MYO1D: variants seen among roughly 807,000 people sequenced by gnomAD.
The protein encoded by MYO1D is unconventional myosin-Id.
In MYO1D, 83 loss-of-function variants were observed where a neutral mutation model predicts 122.0. The observed-to-expected ratio is 0.68, with a 90% CI of 0.57 to 0.82. The LOEUF (loss-of-function observed/expected upper bound fraction) is 0.82, where lower values mean the gene tolerates loss of function less well. Among genes scored for constraint, MYO1D ranks in the 40% least tolerant of loss-of-function variants. The pLI, the probability that MYO1D is intolerant of heterozygous loss-of-function variation, is 0.00. For synonymous variants in MYO1D, 464 were observed against 446.9 expected (o/e 1.04, Z -0.48); for missense variants, 1,157 against 1,269.5 (o/e 0.91, Z 1.35).
intron 21 of MYO1D, among the ~76,000 whole-genome samples, chr17:32,495,190 C>T (rs1175734309): frequency 6.6e-6 from 1 of 152,198 alleles, no homozygotes; most frequent in Non-Finnish European, 1.5e-5. Flanking sequence ...ACAGACGCCA[C>T]CAGGTCTCTG....
Position 32,494,789 on chromosome 17 carries a change from C to A in MYO1D, c.2991G>T (p.Ser997=). The change falls in exon 22 of 22, where the codon TCG becomes TCT. Residue 997 remains serine, a synonymous_variant. Transcript: ENST00000318217. The part of the protein sequence containing the change: ...QPQPDFTKNR[S]GFILSVPGN ...TCCCGGGCACGCTGAGGATGAAGCC[C>A]GAGCGATTCTTGGTGAAGTCGGGCT... The A allele has an allele frequency of 6.2e-7, 1 of 1,611,218 alleles. No homozygotes were observed. The highest frequency in any genetic ancestry group is 1.1e-5 in the South Asian group (1 of 90,652).
chr17:32,711,430 G>A (rs1190396002), intron 16 of MYO1D, among the ~76,000 whole-genome samples: 1 of 152,110 alleles, frequency 6.6e-6, no homozygotes, highest in Non-Finnish European at 1.5e-5. Flanking sequence ...GGCAGATCAC[G>A]AGGTCACGAG....
chr17:32,548,942 G>A (rs2086987867), intron 21 of MYO1D, among the ~76,000 whole-genome samples: 1 of 151,956 alleles, frequency 6.6e-6, no homozygotes, highest in Non-Finnish European at 1.5e-5. Context: ...TTGAATTCCT[G>A]ACCTCAAATG....
chr17:32,533,796 C>T (rs1263918702), intron 21 of MYO1D, among the ~76,000 whole-genome samples: 2 of 152,064 alleles, frequency 1.3e-5, no homozygotes, highest in Non-Finnish European at 2.9e-5. Context: ...TTCTTCTTTG[C>T]CCGTACCCTA....
intron 13 of MYO1D, among the ~76,000 whole-genome samples, chr17:32,740,119 T>A (rs1309200886): frequency 6.6e-6 from 1 of 152,260 alleles, no homozygotes; most frequent in Non-Finnish European, 1.5e-5. Context: ...CAGAAATAAT[T>A]TAAGGCAACG....
intron 1 of MYO1D, among the ~76,000 whole-genome samples, chr17:32,853,604 T>C (rs977674179): frequency 1.3e-5 from 2 of 152,240 alleles, no homozygotes; most frequent in East Asian, 1.9e-4. Context: ...TCTTTCCCTA[T>C]AGACCTGGAT....
chr17:32,618,620 G>GTTAA (rs1259685603), intron 20 of MYO1D, among the ~76,000 whole-genome samples: 1 of 147,734 alleles, frequency 6.8e-6, no homozygotes, highest in African/African-American at 2.6e-5. Context: ...AGCTGCCTCT[G>GTTAA]TTAATTAATT....
intron 1 of MYO1D, among the ~76,000 whole-genome samples, chr17:32,825,312 C>T (rs2090711374): frequency 3.3e-5 from 5 of 151,436 alleles, no homozygotes; most frequent in Admixed American, 2.6e-4. Flanking sequence ...ATTTTTTTGA[C>T]ACAGTGTTTT....
chr17:32,522,371 C>A (rs1910175474), intron 21 of MYO1D, among the ~76,000 whole-genome samples: 1 of 152,148 alleles, frequency 6.6e-6, no homozygotes, highest in South Asian at 2.1e-4. Context: ...AAAAATGGGT[C>A]CCCCATTGGT....
Position 32,746,588 on chromosome 17 carries a change from G to A in MYO1D, c.1539-1303C>T, listed in dbSNP as rs150214935. On this transcript the variant is annotated intron_variant, in intron 12 of 21. Coordinates refer to ENST00000318217, the MANE Select transcript of MYO1D (RefSeq NM_015194.3). The stretch of plus-strand genomic sequence containing the variant: ...TGTGTATATATGCGTGTTTTCATGT[G>A]TAAAAATAAGAACACATACAACCAT... Among the ~76,000 whole-genome samples the A allele has an allele frequency of 3.4e-3, 514 of 152,200 alleles. 9 individuals are homozygous for A. Among genetic ancestry groups the A allele is most frequent in the Non-Finnish European group, 5.6e-4 (38 of 68,012 alleles).
intron 1 of MYO1D, among the ~76,000 whole-genome samples, chr17:32,833,449 G>T (rs2090791040): frequency 6.6e-6 from 1 of 152,136 alleles, no homozygotes. Flanking sequence ...CTGAATTATT[G>T]TATAGCTTCT....
At chr17:32,701,730 T>G (rs2089251250) in intron 16 of MYO1D, among the ~76,000 whole-genome samples, 1 of 152,144 alleles carries the variant, frequency 6.6e-6, no homozygotes, top group Non-Finnish European at 1.5e-5. Flanking sequence ...GCTCAGTTAA[T>G]ATTTTATTTT....
chr17:32,845,363 T>C (rs1241750652), intron 1 of MYO1D, among the ~76,000 whole-genome samples: 2 of 152,146 alleles, frequency 1.3e-5, no homozygotes, highest in East Asian at 1.9e-4. Context: ...GGAGAAGTAA[T>C]AGGACTGAGA....
At chr17:32,516,075 A>G (rs1304125305) in intron 21 of MYO1D, among the ~76,000 whole-genome samples, 2 of 152,208 alleles carry the variant, frequency 1.3e-5, no homozygotes, top group Admixed American at 6.5e-5. Context: ...TGCTTTTTCT[A>G]TTCTGCATTT....
chr17:32,598,874 T>C (rs559056986), intron 21 of MYO1D, among the ~76,000 whole-genome samples: 2 of 152,336 alleles, frequency 1.3e-5, no homozygotes, highest in African/African-American at 2.4e-5. Flanking sequence ...CTCCTTTAAT[T>C]AAGCGGATAT....
intron 6 of MYO1D, among the ~76,000 whole-genome samples, chr17:32,769,421 T>C (rs2090092051): frequency 6.6e-6 from 1 of 152,194 alleles, no homozygotes; most frequent in Non-Finnish European, 1.5e-5. Flanking sequence ...CAGAGTTTCT[T>C]GTTATGCTAG....
At position 32,746,310 on chromosome 17, in the gene MYO1D, C is replaced by T. The variant is rs552617070; in HGVS notation, c.1539-1025G>A. Among the ~76,000 whole-genome samples the T allele has an allele frequency of 3.9e-5, 6 of 152,328 alleles. No individual in the cohort carries two copies. The South Asian group carries it at 1.0e-3, about 26-fold the overall frequency. Reference sequence around the variant, plus strand: ...GCTACTCTTCCAGATAGTTCTACTTCTCTGTGCTACAAAAAAGGATACACT... The same window carrying T: ...GCTACTCTTCCAGATAGTTCTACTTTTCTGTGCTACAAAAAAGGATACACT... On this transcript the variant is annotated intron_variant, in intron 12 of 21. Transcript: ENST00000318217.
At chr17:32,797,984 T>C (rs1248395977) in intron 1 of MYO1D, among the ~76,000 whole-genome samples, 1 of 152,204 alleles carries the variant, frequency 6.6e-6, no homozygotes, top group Non-Finnish European at 1.5e-5. Context: ...TGTGCCCAGT[T>C]ACAGGTAAGA....
chr17:32,585,684 C>T (rs775973106), intron 21 of MYO1D, among the ~76,000 whole-genome samples: 3 of 149,676 alleles, frequency 2.0e-5, no homozygotes, highest in East Asian at 2.0e-4. Flanking sequence ...GAGCTGAGAT[C>T]GCGCCACTGC....
Sources: allele counts gnomAD v4.1 joint callset (sites outside exome capture counted in the v4.1 genomes callset), GRCh38; gene constraint gnomAD v4.1.1; transcripts MANE v1.5; gene names NCBI Gene and HGNC (gene_info 2026-07-23, HGNC 2026-07-21).